OSBPL10: variants seen among roughly 807,000 people sequenced by gnomAD.
OSBPL10 encodes oxysterol binding protein like 10.
Under a neutral mutation model 81.7 loss-of-function variants are expected in OSBPL10, and 49 were observed. That is an observed-to-expected ratio of 0.60 (90% CI 0.48 to 0.76). The LOEUF is 0.76. Ranked by LOEUF, OSBPL10 falls within the 30% of genes least tolerant of loss-of-function variation. The pLI is 0.00. For synonymous variants in OSBPL10, 419 were observed against 383.6 expected (o/e 1.09, Z -1.08); for missense variants, 923 against 987.8 (o/e 0.93, Z 0.88).
intron 4 of OSBPL10, among the ~76,000 whole-genome samples, chr3:31,764,030 A>G (rs534630374): frequency 6.6e-6 from 1 of 152,350 alleles, no homozygotes; most frequent in South Asian, 2.1e-4. Flanking sequence ...ACTGCTTACA[A>G]TGTAATCCTC....
intron 1 of OSBPL10, among the ~76,000 whole-genome samples, chr3:31,898,006 C>CAAAAAAA (rs58479197): frequency 8.8e-4 from 55 of 62,456 alleles, no homozygotes; most frequent in East Asian, 5.0e-3. Context: ...AGAACTCTGT[C>CAAAAAAA]AAAAAAAAAA....
intron 1 of OSBPL10, among the ~76,000 whole-genome samples, chr3:31,898,015 AAAAAAAAAAAAAAAAAAAAAAAC>A (rs1238018478): frequency 2.1e-5 from 2 of 93,792 alleles, no homozygotes; most frequent in Non-Finnish European, 4.1e-5. Context: ...TCAAAAAAAA[AAAAAAAAAAAAAAAAAAAAAAAC>A]AGAAGAAGAA....
At chr3:31,727,258 T>C (rs1696838109) in intron 6 of OSBPL10, among the ~76,000 whole-genome samples, 1 of 152,058 alleles carries the variant, frequency 6.6e-6, no homozygotes, top group Middle Eastern at 3.2e-3. Flanking sequence ...AGAAAGGAAG[T>C]CCACATATCA....
At chr3:31,819,322 G>A (rs1268517803) in intron 4 of OSBPL10, among the ~76,000 whole-genome samples, 1 of 152,222 alleles carries the variant, frequency 6.6e-6, no homozygotes, top group Non-Finnish European at 1.5e-5. Context: ...ATTTGCCTGA[G>A]CACCTACTTT....
chr3:31,681,039 T>TC (rs1223144882), intron 8 of OSBPL10, among the ~76,000 whole-genome samples: 4 of 152,180 alleles, frequency 2.6e-5, no homozygotes, highest in Non-Finnish European at 5.9e-5. Context: ...TTTACATCTT[T>TC]CCCCCACAGA....
intron 7 of OSBPL10, among the ~76,000 whole-genome samples, chr3:31,696,410 G>T (rs201982450): frequency 6.6e-6 from 1 of 152,172 alleles, no homozygotes; most frequent in South Asian, 2.1e-4. Flanking sequence ...CCTTTAAAGA[G>T]CTATCTTTAC....
chr3:32,066,914 T>C (rs1225306478), intron 1 of OSBPL10, among the ~76,000 whole-genome samples: 3 of 152,198 alleles, frequency 2.0e-5, no homozygotes, highest in Non-Finnish European at 4.4e-5. Flanking sequence ...CTAAGTTGTT[T>C]ATCTGATCTT....
At chr3:31,785,289 T>C (rs981356894) in intron 4 of OSBPL10, among the ~76,000 whole-genome samples, 27 of 152,046 alleles carry the variant, frequency 1.8e-4, no homozygotes, top group African/African-American at 6.0e-4. Flanking sequence ...AAAATAAAAA[T>C]GAAAAGTGTA....
chr3:31,749,646 C>G (rs1295834960), intron 4 of OSBPL10, among the ~76,000 whole-genome samples: 1 of 151,962 alleles, frequency 6.6e-6, no homozygotes, highest in African/African-American at 2.4e-5. Context: ...GAAACCCCAT[C>G]TCTACTAAAA....
chr3:31,852,322 T>TACAC (rs1700790358), intron 3 of OSBPL10, among the ~76,000 whole-genome samples: 1 of 151,856 alleles, frequency 6.6e-6, no homozygotes, highest in Non-Finnish European at 1.5e-5. Context: ...GGGAAGGAGG[T>TACAC]ACACTATCAG....
chr3:31,993,498 G>A (rs571283277), intron 2 of OSBPL10, among the ~76,000 whole-genome samples: 7 of 152,166 alleles, frequency 4.6e-5, no homozygotes, highest in South Asian at 4.2e-4. Flanking sequence ...ATGAGCCACC[G>A]CGCCCAGACA....
intron 1 of OSBPL10, among the ~76,000 whole-genome samples, chr3:31,968,935 G>A (rs1272186567): frequency 3.3e-5 from 5 of 152,186 alleles, no homozygotes; most frequent in African/African-American, 4.8e-5. Flanking sequence ...GCTATATAAT[G>A]AATGTACGAC....
chr3:31,672,360 G>GC (rs1491160166), intron 8 of OSBPL10, among the ~76,000 whole-genome samples: 2 of 93,876 alleles, frequency 2.1e-5, no homozygotes, highest in Non-Finnish European at 4.1e-5. Flanking sequence ...ATTTGCGGGG[G>GC]CGGGGGGGGG....
At chr3:31,918,308 A>G (rs1244568328) in intron 1 of OSBPL10, among the ~76,000 whole-genome samples, 1 of 144,366 alleles carries the variant, frequency 6.9e-6, no homozygotes, top group Non-Finnish European at 1.5e-5. Context: ...GAAGACACAC[A>G]CTGGAGTTGT....
chr3:31,817,847 G>C (rs376631833), intron 4 of OSBPL10, among the ~76,000 whole-genome samples: 2 of 152,246 alleles, frequency 1.3e-5, no homozygotes, highest in African/African-American at 2.4e-5. Flanking sequence ...ATCAATGCCT[G>C]TAATCCCAAC....
intron 8 of OSBPL10, among the ~76,000 whole-genome samples, chr3:31,682,345 T>C (rs1700673254): frequency 6.6e-6 from 1 of 152,170 alleles, no homozygotes; most frequent in Non-Finnish European, 1.5e-5. Context: ...CCAGTGTCCC[T>C]AGCAATAGCC....
chr3:31,966,484 T>C (rs1698407883), intron 1 of OSBPL10, among the ~76,000 whole-genome samples: 1 of 151,742 alleles, frequency 6.6e-6, no homozygotes, highest in Non-Finnish European at 1.5e-5. Context: ...ATAAAGATCA[T>C]AAATGAAACA....
chr3:31,664,105 A>T lies in OSBPL10; in HGVS notation c.2224T>A (p.Trp742Arg). ...ERKRENLRTPWKPKYFIQEGD... is the reference protein window; with the variant it reads ...ERKRENLRTPRKPKYFIQEGD... The stretch of plus-strand genomic sequence containing the variant: ...TCCTGGATAAAATATTTGGGCTTCC[A>T]TGGTGTGCGGAGGTTCTCGCGCTTC... The change falls in exon 11 of 12, where the codon TGG becomes AGG. Residue 742 changes from tryptophan (W) to arginine (R), a missense_variant. By Grantham distance (101) the Trp-to-Arg change is moderately radical. This residue lies in a region of OSBPL10 where 387 missense variants were observed against 436.3 expected (regional missense o/e 0.89). Transcript: ENST00000396556. 6.2e-7 allele frequency: 1 copy of T among 1,614,058 alleles called. No homozygotes were observed.
chr3:31,933,327 AC>A lies in OSBPL10; in HGVS notation c.281+47571del, dbSNP rs150726066. Among the ~76,000 whole-genome samples the A allele has an allele frequency of 4.1e-3, 622 of 152,302 alleles. 3 individuals carry two copies. Among genetic ancestry groups the A allele is most frequent in the African/African-American group, 0.014 (588 of 41,566 alleles). The stretch of plus-strand genomic sequence containing the variant: ...AGGTTAGACTCATTTGCTAAGGGCC[AC>A]TTCAACTTTAACATTCTGATTTTAT... On this transcript the variant is annotated intron_variant, in intron 1 of 11. Coordinates refer to ENST00000396556, the MANE Select transcript of OSBPL10 (RefSeq NM_017784.5).
Sources: allele counts gnomAD v4.1 joint callset (sites outside exome capture counted in the v4.1 genomes callset), GRCh38; gene constraint gnomAD v4.1.1; regional missense constraint gnomAD v4.1.1; transcripts MANE v1.5; gene names NCBI Gene and HGNC (gene_info 2026-07-23, HGNC 2026-07-21).